Variants in POU6F2 observed in about 807,000 individuals in gnomAD.
POU6F2 encodes the protein POU domain, class 6, transcription factor 2.
Under a neutral mutation model 71.3 loss-of-function variants are expected in POU6F2, and 31 were observed. The observed-to-expected ratio is 0.43, with a 90% CI of 0.33 to 0.59. POU6F2 has a LOEUF of 0.59. POU6F2 is among the 20% of genes least tolerant of loss of function. The probability of loss-of-function intolerance (pLI) is 0.04; values close to 1 mark genes in which losing one functional copy is unlikely to be tolerated. For synonymous variants in POU6F2, 347 were observed against 355.7 expected, an observed-to-expected ratio of 0.98 and a Z score of 0.27; for missense variants, 783 against 856.8, an observed-to-expected ratio of 0.91 and a Z score of 1.07.
intron 4 of POU6F2, among the ~76,000 whole-genome samples, chr7:39,307,655 C>T (rs754313440): frequency 1.3e-5 from 2 of 152,054 alleles, no homozygotes; most frequent in Admixed American, 1.3e-4. Context: ...CAAAAAAAGT[C>T]CTCAATTAAG....
chr7:39,344,375 C>A (rs1785987199), intron 5 of POU6F2, among the ~76,000 whole-genome samples: 1 of 152,156 alleles, frequency 6.6e-6, no homozygotes. Flanking sequence ...TCAGGCACAG[C>A]AGAGTAAAAC....
intron 1 of POU6F2, among the ~76,000 whole-genome samples, chr7:38,990,984 T>A (rs859535): frequency 0.18 from 27,131 of 152,096 alleles, 2,675 homozygotes; most frequent in Middle Eastern, 0.26. Context: ...CTTCAATATT[T>A]CTTGGTGGTT....
chr7:39,223,416 C>T (rs368468059), intron 4 of POU6F2, among the ~76,000 whole-genome samples: 10 of 152,064 alleles, frequency 6.6e-5, no homozygotes, highest in African/African-American at 2.4e-4. Flanking sequence ...TTCTTTTTAC[C>T]ATGAAAGAAA....
At chr7:39,045,750 A>G (rs1299196895) in intron 1 of POU6F2, among the ~76,000 whole-genome samples, 1 of 151,758 alleles carries the variant, frequency 6.6e-6, no homozygotes, top group Non-Finnish European at 1.5e-5. Context: ...CAGGCAACCA[A>G]AGGTCTGCTT....
In POU6F2 at chr7:39,168,513, G is replaced by A. The variant is rs774851583; in HGVS notation, c.278-35722G>A. Among the ~76,000 whole-genome samples the A allele has an allele frequency of 5.9e-5, 9 of 152,286 alleles. No homozygotes were observed. The South Asian group carries it at 1.9e-3, about 32-fold the overall frequency. On this transcript the variant is annotated intron_variant, in intron 2 of 9. Coordinates refer to ENST00000518318, the MANE Select transcript of POU6F2 (RefSeq NM_001370959.1). ...AAAGTCTTGACTGTAATCAAAGTGA[G>A]AGGCTTAAATAAGTTAAGCAATACA...
chr7:38,988,016 G>A (rs571389964), intron 1 of POU6F2, among the ~76,000 whole-genome samples: 1 of 152,174 alleles, frequency 6.6e-6, no homozygotes, highest in South Asian at 2.1e-4. Flanking sequence ...CTTAAAACGG[G>A]CTTTTAAGAA....
intron 2 of POU6F2, among the ~76,000 whole-genome samples, chr7:39,162,108 G>C (rs910876962): frequency 6.6e-6 from 1 of 152,154 alleles, no homozygotes; most frequent in Non-Finnish European, 1.5e-5. Flanking sequence ...TATAGGACAT[G>C]TGGTCAGGGG....
rs188553979 is a variant in POU6F2, at chr7:38,991,595, C to T, written c.105+13537C>T. Among the ~76,000 whole-genome samples the T allele has an allele frequency of 2.0e-4, 31 of 152,270 alleles. No individual in the cohort carries two copies. The East Asian group carries it at 6.0e-3, about 29-fold the overall frequency. On this transcript the variant is annotated intron_variant, in intron 1 of 9. Transcript: ENST00000518318. ...ACCAATGTAATACAGAATTGCTCCTCGCATGGGTGAAAAGTATGTTCACAT... is the reference window on the plus strand; with the variant it reads ...ACCAATGTAATACAGAATTGCTCCTTGCATGGGTGAAAAGTATGTTCACAT...
intron 1 of POU6F2, among the ~76,000 whole-genome samples, chr7:39,042,331 A>G (rs1253553128): frequency 6.6e-6 from 1 of 151,988 alleles, no homozygotes; most frequent in Non-Finnish European, 1.5e-5. Flanking sequence ...TCTGCCCTTT[A>G]GAAGTTAAGA....
intron 4 of POU6F2, 119 bp from the exon 5 acceptor site, chr7:39,339,523 G>T: frequency 7.4e-7 from 1 of 1,359,568 alleles, no homozygotes; most frequent in Non-Finnish European, 9.7e-7. Flanking sequence ...AGCTTCAGGG[G>T]GCAAGGACAA....
chr7:39,009,491 T>C (rs1789197147), intron 1 of POU6F2, among the ~76,000 whole-genome samples: 1 of 152,030 alleles, frequency 6.6e-6, no homozygotes, highest in Admixed American at 6.6e-5. Flanking sequence ...GACTTCTTCT[T>C]TTCCTAACTG....
intron 4 of POU6F2, among the ~76,000 whole-genome samples, chr7:39,334,121 A>G (rs902805633): frequency 4.3e-4 from 65 of 152,352 alleles, no homozygotes; most frequent in Non-Finnish European, 2.4e-4. Context: ...CTCAAGAGAC[A>G]CTTAGATCTC....
At chr7:39,452,783 T>C (rs899467841) in intron 8 of POU6F2, among the ~76,000 whole-genome samples, 7 of 152,134 alleles carry the variant, frequency 4.6e-5, no homozygotes, top group African/African-American at 1.7e-4. Flanking sequence ...AATGAGGCAT[T>C]ATGGAAAGAT....
chr7:39,427,902 G>A (rs1401314007), intron 6 of POU6F2, among the ~76,000 whole-genome samples: 1 of 152,164 alleles, frequency 6.6e-6, no homozygotes, highest in Non-Finnish European at 1.5e-5. Context: ...AGAACCCTCA[G>A]ACTGCTGCTG....
At chr7:39,430,319 A>C (rs2116015844) in intron 6 of POU6F2, among the ~76,000 whole-genome samples, 1 of 151,980 alleles carries the variant, frequency 6.6e-6, no homozygotes, top group South Asian at 2.1e-4. Flanking sequence ...ACTGCTCCTG[A>C]CCCCCCACCT....
chr7:39,399,429 CA>C (rs1245002165), intron 5 of POU6F2, among the ~76,000 whole-genome samples: 1 of 152,242 alleles, frequency 6.6e-6, no homozygotes, highest in African/African-American at 2.4e-5. Context: ...GACTTGGCTA[CA>C]AATTGGAGAT....
chr7:39,272,300 C>T (rs1344451177), intron 4 of POU6F2, among the ~76,000 whole-genome samples: 1 of 152,142 alleles, frequency 6.6e-6, no homozygotes. Context: ...AGGCTAATCC[C>T]TCCTCCACTC....
At chr7:39,178,900 T>A (rs1793380007) in intron 2 of POU6F2, among the ~76,000 whole-genome samples, 1 of 152,128 alleles carries the variant, frequency 6.6e-6, no homozygotes. Context: ...GCTGATCAAG[T>A]GTTTGTTTGG....
chr7:39,017,903 C>A (rs1002842546), intron 1 of POU6F2, among the ~76,000 whole-genome samples: 2 of 150,690 alleles, frequency 1.3e-5, no homozygotes, highest in African/African-American at 4.9e-5. Context: ...GATTCTTCTG[C>A]ATTTTCATCA....
Sources: allele counts gnomAD v4.1 joint callset (sites outside exome capture counted in the v4.1 genomes callset), GRCh38; gene constraint gnomAD v4.1.1; transcripts MANE v1.5; gene names NCBI Gene and HGNC (gene_info 2026-07-23, HGNC 2026-07-21).